Variants in FOXN3 observed in about 807,000 individuals in gnomAD.
The protein encoded by FOXN3 is forkhead box protein N3.
Under a neutral mutation model 38.4 loss-of-function variants are expected in FOXN3, and 7 were observed. The observed-to-expected ratio is 0.18, with a 90% CI of 0.10 to 0.34. The LOEUF (loss-of-function observed/expected upper bound fraction) is 0.34. Ranked by LOEUF, FOXN3 falls within the 10% of genes least tolerant of loss-of-function variation. The pLI is 1.00. For missense variants in FOXN3, 456 were observed against 613.4 expected (o/e 0.74, Z 2.71); for synonymous variants, 230 against 242.2 (o/e 0.95, Z 0.47).
intron 1 of FOXN3, among the ~76,000 whole-genome samples, chr14:89,515,422 C>G (rs1266917075): frequency 6.6e-6 from 1 of 152,094 alleles, no homozygotes; most frequent in Non-Finnish European, 1.5e-5. Context: ...AGAAACCAAC[C>G]AGTCAGAATG....
upstream of FOXN3, among the ~76,000 whole-genome samples, chr14:89,421,765 G>A (rs1480981562): frequency 3.3e-5 from 5 of 152,072 alleles, no homozygotes; most frequent in African/African-American, 1.2e-4. Flanking sequence ...CCAACCTCAG[G>A]TGATCTGCCC....
In FOXN3 at chr14:89,454,918, T is replaced by C. The variant is rs578008903; in HGVS notation, c.-14-42428A>G. 2.0e-5 allele frequency among the ~76,000 whole-genome samples: 3 copies of C among 152,278 alleles called. No individual in the cohort carries two copies. The South Asian group carries it at 6.2e-4, about 32-fold the overall frequency. The stretch of plus-strand genomic sequence containing the variant: ...AGAAGGAGAGGGAGTGGGGATATGG[T>C]TCCTATATGTTCCAGAGAATAGTGG... On this transcript the variant is annotated intron_variant, in intron 1 of 6. Transcript: ENST00000345097.
intron 4 of FOXN3, 60 bp downstream of exon 4, chr14:89,280,890 A>G: frequency 7.0e-7 from 1 of 1,418,890 alleles, no homozygotes. Flanking sequence ...AGCACAAAGG[A>G]GTGATGAAAG....
chr14:89,215,509 A>G (rs1884247636), intron 4 of FOXN3, among the ~76,000 whole-genome samples: 1 of 152,218 alleles, frequency 6.6e-6, no homozygotes, highest in African/African-American at 2.4e-5. Context: ...TCATTTCTAA[A>G]TTAATTTTAT....
intron 3 of FOXN3, among the ~76,000 whole-genome samples, chr14:89,329,579 C>A (rs148387433): frequency 1.3e-5 from 2 of 152,082 alleles, no homozygotes; most frequent in African/African-American, 4.8e-5. Context: ...TGGCCCCTGC[C>A]GGACGCGGTG....
At chr14:89,488,654 A>C (rs575639154) in intron 1 of FOXN3, among the ~76,000 whole-genome samples, 17 of 151,626 alleles carry the variant, frequency 1.1e-4, no homozygotes, top group African/African-American at 3.9e-4. Flanking sequence ...CATCCAGTTT[A>C]CTTTTCTGTA....
intron 2 of FOXN3, among the ~76,000 whole-genome samples, chr14:89,358,339 T>A (rs1021528784): frequency 6.6e-6 from 1 of 150,982 alleles, no homozygotes; most frequent in African/African-American, 2.4e-5. Flanking sequence ...AGAGAAGGAG[T>A]TTTCAGGGTT....
intron 1 of FOXN3, among the ~76,000 whole-genome samples, chr14:89,574,924 A>G (rs748246364): frequency 6.6e-5 from 10 of 152,140 alleles, no homozygotes; most frequent in Non-Finnish European, 1.3e-4. Context: ...TTGTGCCTTT[A>G]TAGGAAAGGA....
chr14:89,376,843 G>C (rs1219460456), intron 2 of FOXN3, among the ~76,000 whole-genome samples: 9 of 151,446 alleles, frequency 5.9e-5, no homozygotes, highest in African/African-American at 2.2e-4. Context: ...GTGAAACCCC[G>C]TCTCTACTAA....
At chr14:89,384,012 T>C (rs748146556) in intron 2 of FOXN3, among the ~76,000 whole-genome samples, 3 of 151,322 alleles carry the variant, frequency 2.0e-5, no homozygotes, top group Admixed American at 1.3e-4. Flanking sequence ...CAGGTGGACA[T>C]GAATTTGGTG....
chr14:89,225,172 A>T (rs1381570457), intron 4 of FOXN3, among the ~76,000 whole-genome samples: 1 of 148,990 alleles, frequency 6.7e-6, no homozygotes, highest in African/African-American at 2.5e-5. Context: ...AGGTGTGGGG[A>T]TGTGTGCCTA....
intron 1 of FOXN3, among the ~76,000 whole-genome samples, chr14:89,551,864 C>A (rs1895011673): frequency 6.6e-6 from 1 of 152,206 alleles, no homozygotes; most frequent in Non-Finnish European, 1.5e-5. Flanking sequence ...GACATCAGAA[C>A]TGCTTCCCAG....
intron 3 of FOXN3, among the ~76,000 whole-genome samples, chr14:89,337,302 G>A (rs1888489821): frequency 6.6e-6 from 1 of 152,204 alleles, no homozygotes; most frequent in Non-Finnish European, 1.5e-5. Context: ...AAGCAAGATT[G>A]GGAGCTGGGA....
At chr14:89,435,228 T>A (rs574221017) in intron 1 of FOXN3, among the ~76,000 whole-genome samples, 1 of 151,622 alleles carries the variant, frequency 6.6e-6, no homozygotes, top group South Asian at 2.1e-4. Flanking sequence ...ACAGAAAAAA[T>A]TTTTGTAATT....
At chr14:89,363,963 T>TATATATATATATATA (rs1387344093) in intron 2 of FOXN3, among the ~76,000 whole-genome samples, 23 of 27,090 alleles carry the variant, frequency 8.5e-4, no homozygotes, top group Non-Finnish European at 1.4e-3. Flanking sequence ...TATATATATA[T>TATATATATATATATA]ATATATATAT....
At chr14:89,359,759 A>C (rs781482440) in intron 2 of FOXN3, among the ~76,000 whole-genome samples, 39 of 152,156 alleles carry the variant, frequency 2.6e-4, no homozygotes, top group Non-Finnish European at 5.4e-4. Flanking sequence ...TAAGGAGGAG[A>C]GGCCCTGACC....
chr14:89,499,972 CTT>C (rs1329510234), intron 1 of FOXN3, among the ~76,000 whole-genome samples: 1 of 152,104 alleles, frequency 6.6e-6, no homozygotes, highest in Non-Finnish European at 1.5e-5. Context: ...GCCTCAGCCT[CTT>C]GAGTAGCTGG....
intron 1 of FOXN3, among the ~76,000 whole-genome samples, chr14:89,540,244 CTG>C (rs1555359415): frequency 6.6e-6 from 1 of 152,180 alleles, no homozygotes; most frequent in Non-Finnish European, 1.5e-5. Context: ...GAACAAGTGA[CTG>C]TGGGGTATGT....
chr14:89,430,706 TC>T (rs1892136491), intron 1 of FOXN3, among the ~76,000 whole-genome samples: 1 of 152,200 alleles, frequency 6.6e-6, no homozygotes, highest in Non-Finnish European at 1.5e-5. Flanking sequence ...AATAAGTACT[TC>T]CGTTAGCTCT....
Sources: gnomAD v4.1 joint callset for allele counts (sites outside exome capture counted in the v4.1 genomes callset) on GRCh38, gnomAD v4.1.1 for gene constraint, MANE v1.5 for transcripts, NCBI Gene and HGNC (gene_info 2026-07-23, HGNC 2026-07-21) for gene names.